The following KIF6 variants were observed in gnomAD, a reference collection of about 807,000 sequenced individuals.
KIF6 encodes kinesin-like protein KIF6.
KIF6 carries 106 observed loss-of-function variants against 112.7 expected under a neutral mutation model. The ratio of observed to expected loss-of-function variants is 0.94; its 90% CI spans 0.80 to 1.11. The LOEUF (loss-of-function observed/expected upper bound fraction) is 1.11, where lower values mean the gene tolerates loss of function less well. KIF6 is among the 50% of genes least tolerant of loss of function. KIF6 has a pLI of 0.00. For missense variants in KIF6, 929 were observed against 964.0 expected (o/e 0.96, Z 0.48); for synonymous variants, 339 against 339.9 (o/e 1.00, Z 0.03).
chr6:39,394,937 C>G (rs1768148546), intron 15 of KIF6, among the ~76,000 whole-genome samples: 1 of 152,224 alleles, frequency 6.6e-6, no homozygotes, highest in African/African-American at 2.4e-5. Flanking sequence ...TCCCCATCAC[C>G]TCGGCCCTAT....
chr6:39,391,720 T>C (rs1767912042), intron 15 of KIF6, among the ~76,000 whole-genome samples: 1 of 152,210 alleles, frequency 6.6e-6, no homozygotes, highest in Non-Finnish European at 1.5e-5. Context: ...AAAAAAAAGA[T>C]AGTCAAGTTC....
intron 14 of KIF6, among the ~76,000 whole-genome samples, chr6:39,428,007 T>C (rs892214228): frequency 6.6e-5 from 10 of 152,208 alleles, no homozygotes; most frequent in African/African-American, 2.2e-4. Context: ...GATTTGAGCA[T>C]GTGTAAGAAT....
intron 15 of KIF6, among the ~76,000 whole-genome samples, chr6:39,406,322 C>T (rs931446560): frequency 6.6e-6 from 1 of 152,036 alleles, no homozygotes. Flanking sequence ...TCCCCTTTTT[C>T]GTTCCTGGTA....
intron 5 of KIF6, among the ~76,000 whole-genome samples, chr6:39,633,727 G>C (rs1052155061): frequency 1.3e-5 from 2 of 152,212 alleles, no homozygotes; most frequent in African/African-American, 4.8e-5. Context: ...ATTGTCTCCA[G>C]AGATGTTGCT....
intron 5 of KIF6, chr6:39,620,367 G>C (rs904315542): frequency 1.3e-5 from 2 of 152,042 alleles, no homozygotes; most frequent in African/African-American, 4.8e-5. Context: ...ATGTACTCAA[G>C]TTTTCCACAT....
intron 3 of KIF6, among the ~76,000 whole-genome samples, chr6:39,643,072 TTTC>T (rs1407812689): frequency 1.3e-5 from 2 of 152,214 alleles, no homozygotes; most frequent in South Asian, 2.1e-4. Flanking sequence ...AATGTCTTAA[TTTC>T]TTCTTCATTT....
intron 13 of KIF6, among the ~76,000 whole-genome samples, chr6:39,527,193 C>A (rs1416136752): frequency 6.6e-6 from 1 of 152,202 alleles, no homozygotes; most frequent in African/African-American, 2.4e-5. Flanking sequence ...ACCAGCTCCA[C>A]TGTTCTCCTT....
chr6:39,497,421 C>A (rs62402249), intron 13 of KIF6, among the ~76,000 whole-genome samples: 2 of 152,138 alleles, frequency 1.3e-5, no homozygotes, highest in Non-Finnish European at 2.9e-5. Flanking sequence ...TTCTGATGCA[C>A]CCCTCGCTTG....
chr6:39,454,286 A>G (rs1423171261), intron 13 of KIF6, among the ~76,000 whole-genome samples: 1 of 152,180 alleles, frequency 6.6e-6, no homozygotes, highest in African/African-American at 2.4e-5. Flanking sequence ...AGAAATGGAA[A>G]AGATGAAAGA....
At chr6:39,357,447 T>TA in intron 18 of KIF6, 73 bp from the exon 19 acceptor site, 42 of 847,706 alleles carry the variant, frequency 5.0e-5, no homozygotes, top group Non-Finnish European at 6.2e-5. Context: ...TTGATGTAAT[T>TA]CTTTTTTTTT....
At chr6:39,407,808 T>C (rs1769193944) in intron 15 of KIF6, among the ~76,000 whole-genome samples, 1 of 152,230 alleles carries the variant, frequency 6.6e-6, no homozygotes, top group South Asian at 2.1e-4. Context: ...AGTTTTGATC[T>C]GGACATGTTT....
intron 15 of KIF6, among the ~76,000 whole-genome samples, chr6:39,388,024 T>C (rs1242863902): frequency 3.9e-5 from 6 of 152,156 alleles, no homozygotes; most frequent in African/African-American, 9.7e-5. Context: ...GGGTACTGCC[T>C]TCCTAATGAG....
chr6:39,584,763 T>C (rs1781524526), intron 9 of KIF6, 135 bp downstream of exon 9: 3 of 558,632 alleles, frequency 5.4e-6, no homozygotes, highest in Non-Finnish European at 9.5e-6. Context: ...TCATAGGTTA[T>C]TTAGAGGATT....
At chr6:39,419,237 C>T (rs1770161146) in intron 15 of KIF6, among the ~76,000 whole-genome samples, 1 of 150,454 alleles carries the variant, frequency 6.6e-6, no homozygotes, top group African/African-American at 2.4e-5. Context: ...ACCCATAGTC[C>T]CAGTCACATG....
chr6:39,434,302 G>A (rs556955328), intron 13 of KIF6, among the ~76,000 whole-genome samples: 21 of 151,990 alleles, frequency 1.4e-4, no homozygotes, highest in African/African-American at 4.8e-4. Context: ...AATGGCTCAC[G>A]ACTGTAATCC....
chr6:39,472,947 C>T lies in KIF6; in HGVS notation c.1646-41786G>A, dbSNP rs537529178. On this transcript the variant is annotated intron_variant, in intron 13 of 22. Transcript: ENST00000287152. ...TGTTGCCCAGGCTGGAGTACAATGG[C>T]GCGATCTCAGCTCACCGCAACCTCT... is the stretch of plus-strand genomic sequence containing the variant. 2.6e-3 allele frequency among the ~76,000 whole-genome samples: 390 copies of T among 150,112 alleles called. 1 individual carries two copies. The highest frequency in any genetic ancestry group is 9.4e-3 in the African/African-American group (379 of 40,400).
intron 15 of KIF6, among the ~76,000 whole-genome samples, chr6:39,417,918 G>T (rs1306460455): frequency 2.0e-5 from 3 of 152,178 alleles, no homozygotes; most frequent in Non-Finnish European, 4.4e-5. Flanking sequence ...ATCCCTCCAA[G>T]GATGAAAACA....
chr6:39,495,913 G>A (rs539078127), intron 13 of KIF6, among the ~76,000 whole-genome samples: 2 of 152,256 alleles, frequency 1.3e-5, no homozygotes, highest in African/African-American at 4.8e-5. Flanking sequence ...GTAATGGAGG[G>A]GGATACCTTC....
chr6:39,530,187 T>C (rs955665536), intron 13 of KIF6, among the ~76,000 whole-genome samples: 1 of 152,174 alleles, frequency 6.6e-6, no homozygotes, highest in Non-Finnish European at 1.5e-5. Context: ...CAACAAATTC[T>C]CATTGAGGAG....
Sources: gnomAD v4.1 joint callset for allele counts (sites outside exome capture counted in the v4.1 genomes callset) on GRCh38, gnomAD v4.1.1 for gene constraint, MANE v1.5 for transcripts, NCBI Gene and HGNC (gene_info 2026-07-23, HGNC 2026-07-21) for gene names.